LEFTY2: variants seen among roughly 807,000 people sequenced by gnomAD.
LEFTY2 encodes TGF-beta-4.
A neutral mutation model predicts 26.4 loss-of-function variants in LEFTY2; 10 were observed. The observed-to-expected ratio is 0.38, with a 90% CI of 0.23 to 0.64. The LOEUF (loss-of-function observed/expected upper bound fraction) is 0.64, where lower values mean the gene tolerates loss of function less well. LEFTY2 is among the 30% of genes least tolerant of loss of function. LEFTY2 has a pLI of 0.56. For missense variants in LEFTY2, 407 were observed against 502.1 expected (o/e 0.81, Z 1.81); for synonymous variants, 204 against 234.1 (o/e 0.87, Z 1.17).
chr1:225,940,840 C>T (rs776674785), intron 1 of LEFTY2, 51 bp downstream of exon 1: 23 of 1,611,686 alleles, frequency 1.4e-5, no homozygotes, highest in Admixed American at 6.7e-5. Flanking sequence ...TGGGCACAAC[C>T]GGCCTGCCCC....
chr1:225,941,007 CT>C lies in LEFTY2; in HGVS notation c.133del (p.Arg45GlyfsTer13), dbSNP rs1172443261. Reference protein sequence around the residue: ...LQLSEVPVLDRADMEKLVIPA... With the variant: ...LQLSEVPVLDXADMEKLVIPA... ...GATGACCAGCTTCTCCATGTCGGCC[CT>C]GTCCAGTACGGGCACCTCGCTGAGC... is the stretch of plus-strand genomic sequence containing the variant. On this transcript the variant is annotated frameshift_variant, in exon 1 of 4. Transcript: ENST00000366820. LOFTEE classifies it high-confidence loss of function. The C allele has an allele frequency of 6.2e-7, 1 of 1,613,380 alleles. No homozygotes were observed. Among genetic ancestry groups the C allele is most frequent in the Non-Finnish European group, 8.5e-7 (1 of 1,179,884 alleles).
Position 225,939,995 on chromosome 1 carries a change from G to T in LEFTY2, c.258C>A (p.Ala86=). Residue 86 remains alanine (A), a synonymous_variant, in exon 2 of 4, where the codon GCC becomes GCA. Transcript: ENST00000366820. The surrounding 1 kb of genome is among the most constrained non-coding windows in gnomAD (Gnocchi z 4.1). The stretch of plus-strand genomic sequence containing the variant: ...TGGCCTCCGACGCCAGGAACCTGCC[G>T]GCCACCTCTGGGGACAAGAGCAGGG... ...KRFSQSFREV[A]GRFLASEAST... 1 of 1,595,808 alleles carries T rather than the reference G, an allele frequency of 6.3e-7. No homozygotes were observed. The highest frequency in any genetic ancestry group is 8.5e-7 in the Non-Finnish European group (1 of 1,179,596).
chr1:225,938,741 T>C (rs1576156147), intron 3 of LEFTY2, among the ~76,000 whole-genome samples: 1 of 151,942 alleles, frequency 6.6e-6, no homozygotes, highest in South Asian at 2.1e-4. Context: ...CCGAGGCTGG[T>C]GTCAAACTCC....
Position 225,939,567 on chromosome 1 carries a change from G to A in LEFTY2, c.531C>T (p.Ala177=), listed in dbSNP as rs1218439420. 1.7e-5 allele frequency: 28 copies of A among 1,612,250 alleles called. No homozygotes were observed. The highest frequency in any genetic ancestry group is 2.3e-5 in the Non-Finnish European group (27 of 1,179,842). ...LVSVHESGWK[A]FDVTEAVNFW... is the part of the protein sequence containing the mutation. Reference sequence around the variant, plus strand: ...AGTTCACGGCCTCGGTCACGTCGAAGGCCTTCCAGCCGCTCTCGTGGACGG... The same window carrying A: ...AGTTCACGGCCTCGGTCACGTCGAAAGCCTTCCAGCCGCTCTCGTGGACGG... Residue 177 remains alanine, a synonymous_variant, in exon 3 of 4, where the codon GCC becomes GCT. Transcript: ENST00000366820. This position sits in a 1 kb window ranked among gnomAD's most constrained non-coding sequence, Gnocchi z 4.1.
chr1:225,938,228 C>T (rs1166062294), intron 3 of LEFTY2, among the ~76,000 whole-genome samples: 111 of 152,238 alleles, frequency 7.3e-4, no homozygotes, highest in Non-Finnish European at 3.1e-4. Context: ...CTGTGCTACA[C>T]AGCCCCCATC....
chr1:225,937,351 A>T lies in LEFTY2; in HGVS notation c.*90T>A. 5.0e-6 allele frequency: 8 copies of T among 1,594,314 alleles called. No individual in the cohort carries two copies. The highest frequency in any genetic ancestry group is 6.8e-6 in the Non-Finnish European group (8 of 1,170,180). ...ACACAGGAGCACTAAATTGGGATGG[A>T]GTAACTTGCTAAGTATAAAGTTAAG... On this transcript the variant is annotated 3_prime_UTR_variant, in exon 4 of 4. Transcript: ENST00000366820.
At chr1:225,938,704 T>A (rs151047822) in intron 3 of LEFTY2, among the ~76,000 whole-genome samples, 153 of 152,066 alleles carry the variant, frequency 1.0e-3, no homozygotes, top group African/African-American at 3.2e-3. Context: ...TTATTTATTT[T>A]TTTAAGGATA....
Position 225,939,690 on chromosome 1 carries a change from G to A in LEFTY2, c.497+66C>T, listed in dbSNP as rs1203032377. The A allele has an allele frequency of 2.5e-5, 41 of 1,609,208 alleles. No homozygotes were observed. Among genetic ancestry groups the A allele is most frequent in the Non-Finnish European group, 3.3e-5 (39 of 1,178,702 alleles). ...CCGAGGACCCTGCACCGCCCCCTGC[G>A]TCCCCGCCCCCAAGCCGGGCCGAGC... is the stretch of plus-strand genomic sequence containing the variant. On this transcript the variant is annotated intron_variant, in intron 2 of 3. Coordinates refer to ENST00000366820, the MANE Select transcript of LEFTY2 (RefSeq NM_003240.5). This position sits in a 1 kb window ranked among gnomAD's most constrained non-coding sequence, Gnocchi z 4.1.
Position 225,936,988 on chromosome 1 carries a change from A to C in LEFTY2, c.*453T>G. On this transcript the variant is annotated 3_prime_UTR_variant, in exon 4 of 4. Coordinates refer to ENST00000366820, the MANE Select transcript of LEFTY2 (RefSeq NM_003240.5). ...CTTCCTCTTAGCACCCTCTCAGGGG[A>C]ACAGGGGCCTAGGTATGTTTACAAA... 4.6e-6 allele frequency: 1 copy of C among 215,726 alleles called. No homozygotes were observed. Among genetic ancestry groups the C allele is most frequent in the Admixed American group, 5.3e-5 (1 of 18,914 alleles). The allele number at this position is 215,726 out of a possible 1,614,324, so 13.4% of individuals were successfully genotyped here. A position where few individuals can be genotyped will look rare whatever the true frequency, so the allele number is the denominator to read the frequency against.
At chr1:225,938,965 G>A (rs1409335106) in intron 3 of LEFTY2, among the ~76,000 whole-genome samples, 6 of 137,462 alleles carry the variant, frequency 4.4e-5, no homozygotes, top group South Asian at 2.4e-4. Context: ...TTCACCTCCC[G>A]GATTCAAGTG....
chr1:225,940,933 C>T lies in LEFTY2; in HGVS notation c.208G>A (p.Gly70Arg), dbSNP rs551111678. 88 of 1,613,638 alleles carry T rather than the reference C, an allele frequency of 5.5e-5. No individual in the cohort carries two copies. Among genetic ancestry groups the T allele is most frequent in the African/African-American group, 2.0e-4 (15 of 75,032 alleles). ...QYVVLLRRSH[G>R]DRSRGKRFSQ... Reference sequence around the variant, plus strand: ...AACCTCTTTCCGCGGGAGCGGTCCCCGTGGCTGCGCCGCAGCAGGACTACA... The same window carrying T: ...AACCTCTTTCCGCGGGAGCGGTCCCTGTGGCTGCGCCGCAGCAGGACTACA... The change falls in exon 1 of 4, where the codon GGG (glycine) becomes AGG (arginine). Residue 70 changes from glycine (G) to arginine (R), a missense_variant. Physicochemically the swap from Gly to Arg is moderately radical, Grantham distance 125. Transcript: ENST00000366820.
In LEFTY2 at chr1:225,939,239, T is replaced by C. The variant is rs1032823570; in HGVS notation, c.737+122A>G. Reference sequence around the variant, plus strand: ...CAATCGCTGGCATCCTGGGACAGTCTGCACCGCGCTCTCCCTACCCCTAGC... The same window carrying C: ...CAATCGCTGGCATCCTGGGACAGTCCGCACCGCGCTCTCCCTACCCCTAGC... On this transcript the variant is annotated intron_variant, in intron 3 of 3. Coordinates refer to ENST00000366820, the MANE Select transcript of LEFTY2 (RefSeq NM_003240.5). This position sits in a 1 kb window ranked among gnomAD's most constrained non-coding sequence, Gnocchi z 4.1. 85 of 1,459,802 alleles carry C rather than the reference T, an allele frequency of 5.8e-5. No homozygotes were observed. The highest frequency in any genetic ancestry group is 7.6e-5 in the Non-Finnish European group (81 of 1,070,692). The allele number at this position is 1,459,802 out of a possible 1,614,324, so 90.4% of individuals were successfully genotyped here. A position where few individuals can be genotyped will look rare whatever the true frequency, so the allele number is the denominator to read the frequency against.
rs1274140281 is a variant in LEFTY2, at chr1:225,940,957, C to G, written c.184G>C (p.Val62Leu). The G allele has an allele frequency of 6.2e-7, 1 of 1,613,664 alleles. No homozygotes were observed. The highest frequency in any genetic ancestry group is 8.5e-7 in the Non-Finnish European group (1 of 1,179,900). Residue 62 changes from valine to leucine, a missense_variant, in exon 1 of 4, where the codon GTA becomes CTA. By Grantham distance (32) the Val-to-Leu change is conservative (BLOSUM62 1). Transcript: ENST00000366820. Reference sequence around the variant, plus strand: ...CCGTGGCTGCGCCGCAGCAGGACTACATACTGGGCCCTCACGTGGGCGGGG... The same window carrying G: ...CCGTGGCTGCGCCGCAGCAGGACTAGATACTGGGCCCTCACGTGGGCGGGG... ...VIPAHVRAQY[V>L]VLLRRSHGDR...
chr1:225,940,780 A>T, intron 1 of LEFTY2, 111 bp downstream of exon 1: 1 of 1,525,286 alleles, frequency 6.6e-7, no homozygotes, highest in South Asian at 1.2e-5. Context: ...GCCCTCACAC[A>T]GCCTCCCACA....
chr1:225,941,137 A>G lies in LEFTY2; in HGVS notation c.4T>C (p.Trp2Arg). 1 of 1,560,100 alleles carries G rather than the reference A, an allele frequency of 6.4e-7. No homozygotes were observed. Among genetic ancestry groups the G allele is most frequent in the East Asian group, 2.3e-5 (1 of 44,308 alleles). Residue 2 changes from tryptophan to arginine, a missense_variant, in exon 1 of 4, where the codon TGG becomes CGG. By Grantham distance (101) the Trp-to-Arg change is moderately radical (BLOSUM62 -3). Transcript: ENST00000366820. ...AGTGCCCAGCAGAGCCACAGGGGCCACATGGTGCTGCCCTGGGGGAGCAGG... is the reference window on the plus strand; with the variant it reads ...AGTGCCCAGCAGAGCCACAGGGGCCGCATGGTGCTGCCCTGGGGGAGCAGG... The part of the protein sequence containing the change: M[W>R]PLWLCWALWV...
Position 225,937,585 on chromosome 1 carries a change from C to T in LEFTY2, c.957G>A (p.Ser319=), listed in dbSNP as rs756750444. Residue 319 remains serine (S), a synonymous_variant, in exon 4 of 4, where the codon TCG becomes TCA. Transcript: ENST00000366820. ...CGATCATGGGCAGCGAGGCAGTCTCCGAGGCGATACACTGTCGCGGCCCCA... is the reference window on the plus strand; with the variant it reads ...CGATCATGGGCAGCGAGGCAGTCTCTGAGGCGATACACTGTCGCGGCCCCA... ...PFLGPRQCIA[S]ETASLPMIVS... 3.0e-5 allele frequency: 49 copies of T among 1,613,930 alleles called. No individual in the cohort carries two copies. The highest frequency in any genetic ancestry group is 2.3e-4 in the Admixed American group (14 of 60,000).
chr1:225,940,019 G>A lies in LEFTY2; in HGVS notation c.251-17C>T, dbSNP rs1400608128. The A allele has an allele frequency of 6.3e-7, 1 of 1,595,718 alleles. No homozygotes were observed. On this transcript the variant is annotated splice_polypyrimidine_tract_variant and intron_variant, in intron 1 of 3. Transcript: ENST00000366820. ...CGGCCACCTCTGGGGACAAGAGCAG[G>A]GTCAGCAGGGCCTCCCCGGACTCCA...
chr1:225,939,313 G>A lies in LEFTY2; in HGVS notation c.737+48C>T, dbSNP rs1361915089. 2.9e-5 allele frequency: 46 copies of A among 1,612,040 alleles called. No individual in the cohort carries two copies. The highest frequency in any genetic ancestry group is 3.9e-5 in the Non-Finnish European group (46 of 1,179,320). ...AGACAGTCCTGGGGACGGGGGTCTGGACCACTCAGTGGCTGCTTGCCTCCC... is the reference window on the plus strand; with the variant it reads ...AGACAGTCCTGGGGACGGGGGTCTGAACCACTCAGTGGCTGCTTGCCTCCC... On this transcript the variant is annotated intron_variant, in intron 3 of 3. Transcript: ENST00000366820. This position sits in a 1 kb window ranked among gnomAD's most constrained non-coding sequence, Gnocchi z 4.1.
Position 225,941,025 on chromosome 1 carries a change from T to C in LEFTY2, c.116A>G (p.Glu39Gly). 6.2e-7 allele frequency: 1 copy of C among 1,612,716 alleles called. No individual in the cohort carries two copies. Among genetic ancestry groups the C allele is most frequent in the East Asian group, 2.2e-5 (1 of 44,858 alleles). The change falls in exon 1 of 4, where the codon GAG (glutamate) becomes GGG (glycine). Residue 39 changes from glutamate (E) to glycine (G), a missense_variant. Coordinates refer to ENST00000366820, the MANE Select transcript of LEFTY2 (RefSeq NM_003240.5). ...GSLLRQLQLS[E>G]VPVLDRADME... Reference sequence around the variant, plus strand: ...GTCGGCCCTGTCCAGTACGGGCACCTCGCTGAGCTGCAGCTGCCGCAGCAG... The same window carrying C: ...GTCGGCCCTGTCCAGTACGGGCACCCCGCTGAGCTGCAGCTGCCGCAGCAG...
Sources: gnomAD v4.1 joint callset for allele counts (sites outside exome capture counted in the v4.1 genomes callset) on GRCh38, gnomAD v4.1.1 for gene constraint, Gnocchi (gnomAD v3.1) non-coding constraint, MANE v1.5 for transcripts, NCBI Gene and HGNC (gene_info 2026-07-23, HGNC 2026-07-21) for gene names.